Variants in PRF1 observed in about 807,000 individuals in gnomAD.
The protein encoded by PRF1 is perforin-1.
A neutral mutation model predicts 11.7 loss-of-function variants in PRF1; 11 were observed. That is an observed-to-expected ratio of 0.94 (90% CI 0.59 to 1.56). PRF1 has a LOEUF of 1.56. Ranked by LOEUF, PRF1 falls within the 40% of genes most tolerant of loss-of-function variation. The pLI is 0.00. For missense variants in PRF1, 729 were observed against 751.0 expected (o/e 0.97, Z 0.34); for synonymous variants, 314 against 327.8 (o/e 0.96, Z 0.45).
In PRF1 at chr10:70,600,959, A is replaced by G; in HGVS notation, c.-30-27T>C. The G allele has an allele frequency of 6.5e-7, 1 of 1,543,512 alleles. No homozygotes were observed. Among genetic ancestry groups the G allele is most frequent in the Non-Finnish European group, 8.7e-7 (1 of 1,147,706 alleles). On this transcript the variant is annotated intron_variant, in intron 1 of 2. Transcript: ENST00000441259. The surrounding 1 kb of genome is among the most constrained non-coding windows in gnomAD (Gnocchi z 4.9). ...TGGGAAGCCATGGGTGGAGGGATGGAGGATGACTGCTCCCTTCCCCCACAG... is the reference window on the plus strand; with the variant it reads ...TGGGAAGCCATGGGTGGAGGGATGGGGGATGACTGCTCCCTTCCCCCACAG...
chr10:70,598,669 T>G lies in PRF1; in HGVS notation c.1052A>C (p.Asp351Ala), dbSNP rs1281891777. 1.2e-6 allele frequency: 2 copies of G among 1,613,826 alleles called. No individual in the cohort carries two copies. The highest frequency in any genetic ancestry group is 1.1e-5 in the South Asian group (1 of 91,082). Residue 351 changes from aspartate to alanine, a missense_variant, in exon 3 of 3, where the codon GAC becomes GCC. Coordinates refer to ENST00000441259, the MANE Select transcript of PRF1 (RefSeq NM_001083116.3). ...YTLEPLHVLLDSQDPRREALR... is the reference protein window; with the variant it reads ...YTLEPLHVLLASQDPRREALR... Reference sequence around the variant, plus strand: ...TGCCTCCCGCCGCGGGTCCTGGCTGTCCAGCAGCACGTGCAGGGGTTCCAG... The same window carrying G: ...TGCCTCCCGCCGCGGGTCCTGGCTGGCCAGCAGCACGTGCAGGGGTTCCAG...
At position 70,597,353 on chromosome 10, in the gene PRF1, A is replaced by G. The variant is rs1848138048; in HGVS notation, c.*700T>C. 1 of 258,384 alleles carries G rather than the reference A, an allele frequency of 3.9e-6. No individual in the cohort carries two copies. Among genetic ancestry groups the G allele is most frequent in the African/African-American group, 2.2e-5 (1 of 46,064 alleles). The allele number at this position is 258,384 out of a possible 1,614,324, so 16.0% of individuals were successfully genotyped here. A position where few individuals can be genotyped will look rare whatever the true frequency, so the allele number is the denominator to read the frequency against. On this transcript the variant is annotated 3_prime_UTR_variant, in exon 3 of 3. Coordinates refer to ENST00000441259, the MANE Select transcript of PRF1 (RefSeq NM_001083116.3). ...CCACAACACCACCATGATGATCACC[A>G]TAACATCATATTTATTGGCCCTTTA...
chr10:70,598,627 C>T lies in PRF1; in HGVS notation c.1094G>A (p.Ser365Asn). ...PRREALRRAL[S>N]QYLTDRARWR... ...GCGAGCCCTGTCCGTCAGGTACTGA[C>T]TCAGGGCCCTCCTCAGTGCCTCCCG... Residue 365 changes from serine to asparagine, a missense_variant, in exon 3 of 3, where the codon AGT becomes AAT. Ser to Asn is a conservative substitution (Grantham distance 46). Coordinates refer to ENST00000441259, the MANE Select transcript of PRF1 (RefSeq NM_001083116.3). 2 of 1,613,170 alleles carry T rather than the reference C, an allele frequency of 1.2e-6. No homozygotes were observed. The highest frequency in any genetic ancestry group is 1.7e-6 in the Non-Finnish European group (2 of 1,179,924).
Position 70,598,346 on chromosome 10 carries a change from G to C in PRF1, c.1375C>G (p.Pro459Ala), listed in dbSNP as rs1218996453. The change falls in exon 3 of 3, where the codon CCC becomes GCC. Residue 459 changes from proline (P) to alanine (A), a missense_variant. By Grantham distance (27) the Pro-to-Ala change is conservative. Transcript: ENST00000441259. ...AAATCCAGCCGCACTGACCAGATGG[G>C]GTTGTTATTGTCCCACACGGTGCTC... is the stretch of plus-strand genomic sequence containing the variant. Reference protein sequence around the residue: ...RTSTVWDNNNPIWSVRLDFGD... With the variant: ...RTSTVWDNNNAIWSVRLDFGD... 1 of 1,614,070 alleles carries C rather than the reference G, an allele frequency of 6.2e-7. No homozygotes were observed. Among genetic ancestry groups the C allele is most frequent in the African/African-American group, 1.3e-5 (1 of 74,918 alleles).
Position 70,600,591 on chromosome 10 carries a change from G to T in PRF1, c.312C>A (p.Arg104=). Residue 104 remains arginine (R), a synonymous_variant, in exon 2 of 3, where the codon CGC becomes CGA. Coordinates refer to ENST00000441259, the MANE Select transcript of PRF1 (RefSeq NM_001083116.3). The surrounding 1 kb of genome is among the most constrained non-coding windows in gnomAD (Gnocchi z 4.9). ...NWRAQGSGCQ[R]HVTRAKVSST... is the part of the protein sequence containing the mutation. ...AGCTGACTTTGGCCCTGGTTACATG[G>T]CGCTGGCAGCCAGAGCCCTGGGCCC... The T allele has an allele frequency of 1.9e-6, 3 of 1,613,714 alleles. No homozygotes were observed. In the South Asian group the frequency reaches 3.3e-5, roughly 18 times the overall value.
Position 70,600,384 on chromosome 10 carries a change from C to T in PRF1, c.519G>A (p.Thr173=), listed in dbSNP as rs112883709. 4.7e-4 allele frequency: 766 copies of T among 1,614,158 alleles called. No homozygotes were observed. In the Middle Eastern group the frequency reaches 6.9e-3, roughly 15 times the overall value. ...HQDQYSFSTD[T]VECRFYSFHV... is the part of the protein sequence containing the mutation. Reference sequence around the variant, plus strand: ...CTCACCTGTAGAAGCGGCACTCCACCGTGTCAGTGCTGAAGCTGTACTGGT... The same window carrying T: ...CTCACCTGTAGAAGCGGCACTCCACTGTGTCAGTGCTGAAGCTGTACTGGT... Residue 173 remains threonine (T), a synonymous_variant, in exon 2 of 3, where the codon ACG becomes ACA. Transcript: ENST00000441259. The surrounding 1 kb of genome is among the most constrained non-coding windows in gnomAD (Gnocchi z 4.9).
rs151232299 is a variant in PRF1 at position 70,600,701 on chromosome 10, G to T, written c.202C>A (p.Arg68=). ...CAGAGGGTGCAGGTGCCGTCGGGCC[G>T]CAGGAACCTTTGTGTGTCCACTGGG... ...SFPVDTQRFL[R]PDGTCTLCEN... The change falls in exon 2 of 3, where the codon CGG becomes AGG. Residue 68 remains arginine (R), a synonymous_variant. Transcript: ENST00000441259. The surrounding 1 kb of genome is among the most constrained non-coding windows in gnomAD (Gnocchi z 4.9). The T allele has an allele frequency of 3.7e-6, 6 of 1,613,886 alleles. No homozygotes were observed. The Admixed American group carries it at 5.0e-5, about 13-fold the overall frequency.
chr10:70,601,694 T>G (rs1397633719), intron 1 of PRF1, among the ~76,000 whole-genome samples: 2 of 151,778 alleles, frequency 1.3e-5, no homozygotes, highest in Admixed American at 1.3e-4. Flanking sequence ...CTGGGCATGG[T>G]GGCGGGTGCC....
At position 70,597,973 on chromosome 10, in the gene PRF1, G is replaced by A. The variant is rs1848151408; in HGVS notation, c.*80C>T. The A allele has an allele frequency of 6.4e-7, 1 of 1,565,300 alleles. No individual in the cohort carries two copies. The highest frequency in any genetic ancestry group is 1.4e-5 in the African/African-American group (1 of 73,896). ...CGGGTTGGACAAGCTTGGTCTAATG[G>A]GAATACGAAGACAGCCCTGGCTCCC... On this transcript the variant is annotated 3_prime_UTR_variant, in exon 3 of 3. Transcript: ENST00000441259.
rs1848161527 is a variant in PRF1, at chr10:70,598,511, T to C, written c.1210A>G (p.Thr404Ala). The C allele has an allele frequency of 2.5e-6, 4 of 1,613,028 alleles. No homozygotes were observed. The highest frequency in any genetic ancestry group is 2.5e-6 in the Non-Finnish European group (3 of 1,179,932). Residue 404 changes from threonine to alanine, a missense_variant, in exon 3 of 3, where the codon ACC (threonine) becomes GCC (alanine). By Grantham distance (58) the Thr-to-Ala change is moderately conservative. Coordinates refer to ENST00000441259, the MANE Select transcript of PRF1 (RefSeq NM_001083116.3). The part of the protein sequence containing the change: ...QCVCHGSAVT[T>A]QDCCPRQRGL... ...CTCTGCCGAGGGCAGCAGTCCTGGG[T>C]GGTGACCGCTGAGCCATGGCACACA...
chr10:70,600,247 T>C lies in PRF1; in HGVS notation c.539+117A>G. On this transcript the variant is annotated intron_variant, in intron 2 of 2. Coordinates refer to ENST00000441259, the MANE Select transcript of PRF1 (RefSeq NM_001083116.3). This position sits in a 1 kb window ranked among gnomAD's most constrained non-coding sequence, Gnocchi z 4.9. Reference sequence around the variant, plus strand: ...GTCTGAGAGCCAGGATTGCAGTTTCTTCCTGGTGGAAGCAGCCTCCAAGTT... The same window carrying C: ...GTCTGAGAGCCAGGATTGCAGTTTCCTCCTGGTGGAAGCAGCCTCCAAGTT... The C allele has an allele frequency of 6.6e-7, 1 of 1,514,144 alleles. No individual in the cohort carries two copies. Among genetic ancestry groups the C allele is most frequent in the Non-Finnish European group, 8.8e-7 (1 of 1,132,192 alleles). The allele number at this position is 1,514,144 out of a possible 1,614,324, so 93.8% of individuals were successfully genotyped here.
Position 70,600,569 on chromosome 10 carries a change from T to C in PRF1, c.334A>G (p.Ser112Gly). Residue 112 changes from serine (S) to glycine (G), a missense_variant, in exon 2 of 3, where the codon AGC becomes GGC. Transcript: ENST00000441259. The surrounding 1 kb of genome is among the most constrained non-coding windows in gnomAD (Gnocchi z 4.9). Reference sequence around the variant, plus strand: ...TCCCGGGCCACAGCTTCAGTGGAGCTGACTTTGGCCCTGGTTACATGGCGC... The same window carrying C: ...TCCCGGGCCACAGCTTCAGTGGAGCCGACTTTGGCCCTGGTTACATGGCGC... ...CQRHVTRAKV[S>G]STEAVARDAA... The C allele has an allele frequency of 3.1e-6, 5 of 1,614,076 alleles. No homozygotes were observed. Among genetic ancestry groups the C allele is most frequent in the Non-Finnish European group, 4.2e-6 (5 of 1,180,004 alleles).
chr10:70,601,810 T>A (rs1342907088), intron 1 of PRF1, among the ~76,000 whole-genome samples: 16 of 1,146 alleles, frequency 0.014, no homozygotes, highest in Non-Finnish European at 0.059. Flanking sequence ...GCCTGGGTGA[T>A]AGAGTAAGAC....
Position 70,599,058 on chromosome 10 carries a change from G to C in PRF1, c.663C>G (p.Thr221=). 1 of 1,613,510 alleles carries C rather than the reference G, an allele frequency of 6.2e-7. No homozygotes were observed. Among genetic ancestry groups the C allele is most frequent in the Non-Finnish European group, 8.5e-7 (1 of 1,179,536 alleles). ...AYLRLISNYG[T]HFIRAVELGG... ...CCAGCTCCACAGCCCGGATGAAGTG[G>C]GTGCCGTAGTTGGAGATAAGCCTGA... The change falls in exon 3 of 3, where the codon ACC becomes ACG. Residue 221 remains threonine, a synonymous_variant. Coordinates refer to ENST00000441259, the MANE Select transcript of PRF1 (RefSeq NM_001083116.3).
rs115281140 is a variant in PRF1, at chr10:70,600,468, C to T, written c.435G>A (p.Val145=). ...VTPKPTSNVH[V]SVAGSHSQAA... is the part of the protein sequence containing the mutation. ...CCTGTGAGTGTGAGCCGGCCACAGA[C>T]ACATGCACATTGCTGGTGGGCTTAG... is the stretch of plus-strand genomic sequence containing the variant. Residue 145 remains valine (V), a synonymous_variant, in exon 2 of 3, where the codon GTG becomes GTA. Transcript: ENST00000441259. This position sits in a 1 kb window ranked among gnomAD's most constrained non-coding sequence, Gnocchi z 4.9. The T allele has an allele frequency of 7.1e-3, 11,505 of 1,614,214 alleles. 76 individuals are homozygous for T. The highest frequency in any genetic ancestry group is 0.023 in the African/African-American group (1,702 of 75,048).
chr10:70,599,919 TGTGA>T (rs1848194038), intron 2 of PRF1, among the ~76,000 whole-genome samples: 1 of 152,104 alleles, frequency 6.6e-6, no homozygotes, highest in Non-Finnish European at 1.5e-5. Flanking sequence ...CACAGGCAGG[TGTGA>T]GTATTGGTTG....
rs1369164206 is a variant in PRF1, at chr10:70,598,299, T to C, written c.1422A>G (p.Thr474=). The part of the protein sequence containing the change: ...RLDFGDVLLA[T]GGPLRLQVWD... ...AGACCTGCAACCTCAGGGGCCCCCCTGTGGCCAGGAGCACATCCCCAAAAT... is the reference window on the plus strand; with the variant it reads ...AGACCTGCAACCTCAGGGGCCCCCCCGTGGCCAGGAGCACATCCCCAAAAT... The change falls in exon 3 of 3, where the codon ACA becomes ACG. Residue 474 remains threonine (T), a synonymous_variant. Transcript: ENST00000441259. 1 of 1,614,210 alleles carries C rather than the reference T, an allele frequency of 6.2e-7. No individual in the cohort carries two copies. Among genetic ancestry groups the C allele is most frequent in the Admixed American group, 1.7e-5 (1 of 60,028 alleles).
intron 1 of PRF1, among the ~76,000 whole-genome samples, chr10:70,601,520 G>A (rs1015236268): frequency 2.0e-5 from 3 of 151,902 alleles, no homozygotes; most frequent in African/African-American, 7.3e-5. Flanking sequence ...ACATCAGCCC[G>A]AATTCTAGAA....
chr10:70,601,082 G>T, intron 1 of PRF1, 150 bp from the exon 2 acceptor site: 1 of 1,224,880 alleles, frequency 8.2e-7, no homozygotes, highest in Non-Finnish European at 1.1e-6. Flanking sequence ...TATAGGCCTG[G>T]TTCAGCCCCC....
Sources: allele counts gnomAD v4.1 joint callset (sites outside exome capture counted in the v4.1 genomes callset), GRCh38; gene constraint gnomAD v4.1.1; non-coding constraint Gnocchi (gnomAD v3.1); transcripts MANE v1.5; gene names NCBI Gene and HGNC (gene_info 2026-07-23, HGNC 2026-07-21).